The following PRELID2 variants were observed in gnomAD, a reference collection of about 807,000 sequenced individuals.
PRELID2 encodes PRELI domain-containing protein 2.
Under a neutral mutation model 28.4 loss-of-function variants are expected in PRELID2, and 25 were observed. The observed-to-expected ratio is 0.88, with a 90% CI of 0.64 to 1.23. The LOEUF is 1.23. Among genes scored for constraint, PRELID2 ranks in the 50% most tolerant of loss-of-function variants. The pLI, the probability that PRELID2 is intolerant of heterozygous loss-of-function variation, is 0.00. For synonymous variants in PRELID2, 76 were observed against 71.6 expected, an observed-to-expected ratio of 1.06 and a Z score of -0.31; for missense variants, 201 against 214.4, an observed-to-expected ratio of 0.94 and a Z score of 0.39.
At chr5:145,637,346 T>C (rs1754017248) in intron 1 of PRELID2, among the ~76,000 whole-genome samples, 1 of 152,174 alleles carries the variant, frequency 6.6e-6, no homozygotes, top group African/African-American at 2.4e-5. Flanking sequence ...ATTCGTCCAG[T>C]GCCCCATGCC....
At chr5:145,370,750 T>C in the PRELID2 span, among the ~76,000 whole-genome samples, 3 of 152,164 alleles carry the variant, frequency 2.0e-5, no homozygotes, top group Admixed American at 6.6e-5. Flanking sequence ...TTCCTGTCCA[T>C]GAGGATGGAA....
chr5:145,417,521 C>G, the PRELID2 span, among the ~76,000 whole-genome samples: 3 of 152,140 alleles, frequency 2.0e-5, no homozygotes, highest in African/African-American at 7.2e-5. Flanking sequence ...CACACCAAAC[C>G]AGCAGCACAT....
At chr5:145,335,941 C>T in the PRELID2 span, among the ~76,000 whole-genome samples, 1 of 152,176 alleles carries the variant, frequency 6.6e-6, no homozygotes, top group Non-Finnish European at 1.5e-5. Flanking sequence ...CCTGTTGTTT[C>T]CTGACTTTTT....
chr5:145,775,759 G>A (rs1758369666), intron 5 of PRELID2, among the ~76,000 whole-genome samples: 1 of 152,208 alleles, frequency 6.6e-6, no homozygotes, highest in Non-Finnish European at 1.5e-5. Context: ...GTTAGCCAGA[G>A]TGCTGTCATT....
the PRELID2 span, among the ~76,000 whole-genome samples, chr5:145,401,170 T>G: frequency 4.6e-5 from 7 of 152,014 alleles, no homozygotes; most frequent in African/African-American, 1.7e-4. Context: ...TTCAAGGACC[T>G]AAAAATGTGA....
intron 6 of PRELID2, among the ~76,000 whole-genome samples, chr5:145,762,603 T>A (rs916558438): frequency 2.0e-5 from 3 of 152,090 alleles, no homozygotes; most frequent in African/African-American, 7.2e-5. Flanking sequence ...TGTAAACTTG[T>A]TTAATTTACT....
chr5:145,378,819 T>C, the PRELID2 span, among the ~76,000 whole-genome samples: 2 of 152,202 alleles, frequency 1.3e-5, no homozygotes, highest in Non-Finnish European at 2.9e-5. Context: ...TTCAGAACCC[T>C]TGCTAGAGAG....
At chr5:145,263,127 G>A in the PRELID2 span, among the ~76,000 whole-genome samples, 2 of 152,074 alleles carry the variant, frequency 1.3e-5, no homozygotes, top group South Asian at 4.2e-4. Context: ...TCACCCAACA[G>A]GAAAATATTA....
intron 5 of PRELID2, among the ~76,000 whole-genome samples, chr5:145,774,138 G>C (rs1056788620): frequency 1.2e-4 from 19 of 152,232 alleles, no homozygotes; most frequent in African/African-American, 4.6e-4. Context: ...TGGGGTTACT[G>C]TATGCTGACA....
chr5:145,792,507 T>C (rs1389413859), intron 5 of PRELID2, among the ~76,000 whole-genome samples: 1 of 152,200 alleles, frequency 6.6e-6, no homozygotes, highest in African/African-American at 2.4e-5. Context: ...CAGATGTTCA[T>C]TCATTGTCTG....
At chr5:145,689,033 A>C (rs770930641) in intron 1 of PRELID2, among the ~76,000 whole-genome samples, 2 of 152,246 alleles carry the variant, frequency 1.3e-5, no homozygotes, top group Admixed American at 6.5e-5. Flanking sequence ...TATCATAAGC[A>C]TAGCAACTAC....
chr5:145,547,783 C>T (rs541170864), intron 1 of PRELID2, among the ~76,000 whole-genome samples: 228 of 152,238 alleles, frequency 1.5e-3, no homozygotes, highest in Non-Finnish European at 2.6e-3. Flanking sequence ...TTTATCATTG[C>T]TTATAAAAAT....
At chr5:145,640,408 G>A (rs1374299243) in intron 1 of PRELID2, among the ~76,000 whole-genome samples, 3 of 150,742 alleles carry the variant, frequency 2.0e-5, no homozygotes, top group South Asian at 4.2e-4. Context: ...CCCGGGAGGC[G>A]GAGCTTGCAG....
chr5:145,693,149 T>C (rs1371309156), intron 1 of PRELID2, among the ~76,000 whole-genome samples: 2 of 145,038 alleles, frequency 1.4e-5, no homozygotes, highest in Non-Finnish European at 3.0e-5. Context: ...AATAAATAAA[T>C]CTTTTTTTTT....
intron 1 of PRELID2, among the ~76,000 whole-genome samples, chr5:145,705,968 A>ACACACG (rs1386879927): frequency 6.6e-6 from 1 of 151,466 alleles, no homozygotes; most frequent in African/African-American, 2.4e-5. Flanking sequence ...ACACACACAC[A>ACACACG]CACTCCCCAC....
At chr5:145,624,139 T>G (rs886874309) in intron 1 of PRELID2, among the ~76,000 whole-genome samples, 1 of 152,194 alleles carries the variant, frequency 6.6e-6, no homozygotes, top group African/African-American at 2.4e-5. Flanking sequence ...AAGGCAATAG[T>G]GGGGAAGTGT....
At chr5:145,656,900 A>G (rs1754405948) in intron 1 of PRELID2, among the ~76,000 whole-genome samples, 1 of 152,186 alleles carries the variant, frequency 6.6e-6, no homozygotes, top group South Asian at 2.1e-4. Context: ...TTAAAGTATG[A>G]TAAAAAATAA....
chr5:145,279,190 C>T, the PRELID2 span, among the ~76,000 whole-genome samples: 1 of 152,164 alleles, frequency 6.6e-6, no homozygotes, highest in Non-Finnish European at 1.5e-5. Context: ...ATTGGCATTG[C>T]TTTCAATGGC....
intron 1 of PRELID2, among the ~76,000 whole-genome samples, chr5:145,630,157 G>A (rs1753912685): frequency 6.6e-6 from 1 of 152,116 alleles, no homozygotes; most frequent in African/African-American, 2.4e-5. Flanking sequence ...TGGATGGATG[G>A]ATGGATGAGT....
Sources: allele counts gnomAD v4.1 joint callset (sites outside exome capture counted in the v4.1 genomes callset), GRCh38; gene constraint gnomAD v4.1.1; transcripts MANE v1.5; gene names NCBI Gene and HGNC (gene_info 2026-07-23, HGNC 2026-07-21).